The following IRAK1 variants were observed in gnomAD, a reference collection of about 807,000 sequenced individuals.
IRAK1 encodes the protein interleukin-1 receptor-associated kinase 1.
IRAK1 carries 9 observed loss-of-function variants against 49.8 expected under a neutral mutation model. That is an observed-to-expected ratio of 0.18 (90% confidence interval 0.11 to 0.32). The LOEUF (loss-of-function observed/expected upper bound fraction) is 0.32. IRAK1 is among the 10% of genes least tolerant of loss of function. IRAK1 has a pLI of 1.00. For missense variants in IRAK1, 418 were observed against 600.5 expected (o/e 0.70, Z 3.18); for synonymous variants, 282 against 270.8 (o/e 1.04, Z -0.41).
intron 13 of IRAK1, among the ~76,000 whole-genome samples, chrX:154,012,122 T>C (rs1557127668): frequency 8.9e-6 from 1 of 112,787 alleles, no homozygotes; most frequent in Non-Finnish European, 1.9e-5. Flanking sequence ...CACAGCTCAC[T>C]GTAGCCTCCA....
In IRAK1 at chrX:154,014,139, C is replaced by T; in HGVS notation, c.1442G>A (p.Arg481Lys). The T allele has an allele frequency of 8.3e-7, 1 of 1,208,949 alleles. No individual in the cohort carries two copies. Among genetic ancestry groups the T allele is most frequent in the Non-Finnish European group, 1.1e-6 (1 of 894,337 alleles). The change falls in exon 11 of 14, where the codon AGG becomes AAG. Residue 481 changes from arginine (R) to lysine (K), a missense_variant. Physicochemically the swap from Arg to Lys is conservative, Grantham distance 26. Transcript: ENST00000369980. ...CAGCTCAGGTGGGCAGGGCCCGGGC[C>T]TGGGGTCCAGGTGCTTCTTGTAGAT... ...MQIYKKHLDP[R>K]PGPCPPELGL...
Position 154,018,978 on chromosome X carries a change from G to A in IRAK1, c.537C>T (p.Thr179=). Residue 179 remains threonine (T), a synonymous_variant, in exon 4 of 14, where the codon ACC becomes ACT. Transcript: ENST00000369980. ...CTGGGGGGCAGGGGACACCTACCTTGGTAGAAGAAGGGGCTGGAGATGGCG... is the reference window on the plus strand; with the variant it reads ...CTGGGGGGCAGGGGACACCTACCTTAGTAGAAGAAGGGGCTGGAGATGGCG... The part of the protein sequence containing the change: ...PPPPSPAPSS[T]KPGPESSVSL... 8.4e-7 allele frequency: 1 copy of A among 1,188,398 alleles called. No individual in the cohort carries two copies. Among genetic ancestry groups the A allele is most frequent in the Non-Finnish European group, 1.1e-6 (1 of 880,894 alleles).
intron 3 of IRAK1, 31 bp from the exon 4 acceptor site, chrX:154,019,109 G>A (rs782085819): frequency 1.7e-6 from 2 of 1,201,425 alleles, no homozygotes; most frequent in Non-Finnish European, 2.3e-6. Context: ...GAGGCAGGCA[G>A]AGACCAGCAG....
chrX:154,016,202 C>T, intron 9 of IRAK1, 105 bp from the exon 10 acceptor site: 1 of 730,769 alleles, frequency 1.4e-6, no homozygotes, highest in Non-Finnish European at 2.1e-6. Flanking sequence ...AAGGCAGAGC[C>T]AGATGTTATG....
chrX:154,014,293 C>G lies in IRAK1; in HGVS notation c.1303-15G>C. ...ACCAGGTCTTTCTGTGGGATAAATA[C>G]TGTCAGTATGGCTACCAGGTGGCCA... On this transcript the variant is annotated splice_polypyrimidine_tract_variant and intron_variant, in intron 10 of 13. Transcript: ENST00000369980. 8.3e-7 allele frequency: 1 copy of G among 1,205,475 alleles called. No homozygotes were observed. The highest frequency in any genetic ancestry group is 1.1e-6 in the Non-Finnish European group (1 of 893,304).
rs1289140411 is a variant in IRAK1 at position 154,018,405 on chromosome X, G to A, written c.730-50C>T. 3.7e-6 allele frequency: 4 copies of A among 1,072,097 alleles called. No individual in the cohort carries two copies. In the Admixed American group the frequency reaches 7.2e-5, roughly 19 times the overall value. 88.4% of individuals were successfully genotyped at this position (1,072,097 alleles called of 1,213,427 possible). On this transcript the variant is annotated intron_variant, in intron 5 of 13. Transcript: ENST00000369980. ...GGAAGGGGCAGGGAAGACGGGCAGC[G>A]TGAGGCTCTCGAAGCGAAGGCCTTC...
In IRAK1 at chrX:154,018,747, C is replaced by T. The variant is rs11465830; in HGVS notation, c.581G>A (p.Arg194His). 3.4e-3 allele frequency: 3,233 copies of T among 963,305 alleles called. 44 individuals are homozygous for T. The African/African-American group carries it at 0.047, about 14-fold the overall frequency. The allele number at this position is 963,305 out of a possible 1,213,427, so 79.4% of individuals were successfully genotyped here. A position where few individuals can be genotyped will look rare whatever the true frequency, so the allele number is the denominator to read the frequency against. Reference protein sequence around the residue: ...ESSVSLLQGARPFPFCWPLCE... With the variant: ...ESSVSLLQGAHPFPFCWPLCE... ...GAGGGGCCAGCAAAACGGAAAGGGG[C>T]GGGCTCCCTGCAGGAGGGACACTGA... Residue 194 changes from arginine (R) to histidine (H), a missense_variant, in exon 5 of 14, where the codon CGC (arginine) becomes CAC (histidine). Arg to His is a conservative substitution (Grantham distance 29). Transcript: ENST00000369980.
intron 12 of IRAK1, 113 bp from the exon 13 acceptor site, chrX:154,012,791 G>A (rs1655967606): frequency 1.1e-6 from 1 of 891,864 alleles, no homozygotes; most frequent in African/African-American, 2.0e-5. Flanking sequence ...CCAAGGGCAG[G>A]GCCCAGCTCT....
Position 154,019,034 on chromosome X carries a change from C to T in IRAK1, c.481G>A (p.Val161Ile). Reference protein sequence around the residue: ...QTHSGPELGLVPSPASLWPPP... With the variant: ...QTHSGPELGLIPSPASLWPPP... ...GGCCACAGGGAAGCAGGGCTTGGGA[C>T]CAGGCCGAGCTCAGGCCCTGAATGG... The change falls in exon 4 of 14, where the codon GTC becomes ATC. Residue 161 changes from valine to isoleucine, a missense_variant. Physicochemically the swap from Val to Ile is conservative, Grantham distance 29. Coordinates refer to ENST00000369980, the MANE Select transcript of IRAK1 (RefSeq NM_001569.4). 1 of 1,209,932 alleles carries T rather than the reference C, an allele frequency of 8.3e-7. No homozygotes were observed. Among genetic ancestry groups the T allele is most frequent in the Non-Finnish European group, 1.1e-6 (1 of 894,528 alleles).
Position 154,019,338 on chromosome X carries a change from C to G in IRAK1, c.305-10G>C. On this transcript the variant is annotated splice_polypyrimidine_tract_variant and intron_variant, in intron 2 of 13. Coordinates refer to ENST00000369980, the MANE Select transcript of IRAK1 (RefSeq NM_001569.4). ...GGGGCGGGAGGGTGCCCTGGGACGC[C>G]AAGGAAGGAAAGGAAGGTTGAGGCC... 8.7e-7 allele frequency: 1 copy of G among 1,155,083 alleles called. No homozygotes were observed. The highest frequency in any genetic ancestry group is 2.5e-4 in the Middle Eastern group (1 of 4,056).
intron 7 of IRAK1, among the ~76,000 whole-genome samples, chrX:154,017,638 A>C (rs1308335425): frequency 2.7e-5 from 3 of 109,695 alleles, no homozygotes; most frequent in African/African-American, 1.0e-4. Flanking sequence ...TCTACTAAAA[A>C]TACAAAAATT....
In IRAK1 at chrX:154,018,452, C is replaced by T. The variant is rs2065755613; in HGVS notation, c.730-97G>A. ...CTTCGGGCCACCAGTGCCACCTACCCGAGGCCCAGAACCACCAAGGGGCCA... is the reference window on the plus strand; with the variant it reads ...CTTCGGGCCACCAGTGCCACCTACCTGAGGCCCAGAACCACCAAGGGGCCA... On this transcript the variant is annotated intron_variant, in intron 5 of 13. Coordinates refer to ENST00000369980, the MANE Select transcript of IRAK1 (RefSeq NM_001569.4). 1.2e-5 allele frequency: 11 copies of T among 924,059 alleles called. No homozygotes were observed. In the South Asian group the frequency reaches 2.2e-4, roughly 19 times the overall value. 76.2% of individuals were successfully genotyped at this position (924,059 alleles called of 1,213,427 possible).
Position 154,013,240 on chromosome X carries a change from A to G in IRAK1, c.1733T>C (p.Leu578Pro), listed in dbSNP as rs782758401. 1 of 1,210,316 alleles carries G rather than the reference A, an allele frequency of 8.3e-7. No homozygotes were observed. Among genetic ancestry groups the G allele is most frequent in the Non-Finnish European group, 1.1e-6 (1 of 895,350 alleles). ...SGASAQAAEQ[L>P]QRGPNQPVES... ...CACGGGCTGGTTGGGGCCTCTCTGC[A>G]GCTGCTCTGCTGCCTGGGCACTGGC... Residue 578 changes from leucine to proline, a missense_variant, in exon 12 of 14, where the codon CTG becomes CCG. Physicochemically the swap from Leu to Pro is moderately conservative, Grantham distance 98. Transcript: ENST00000369980.
In IRAK1 at chrX:154,011,936, AG is replaced by A. The variant is rs782562527; in HGVS notation, c.2081-20del. On this transcript the variant is annotated intron_variant, in intron 13 of 13. Transcript: ENST00000369980. ...CCCAAGCCTACAGAAGGAAGAGGAA[AG>A]TCCGCTTAGCAAATGGGGGAGGCTC... is the stretch of plus-strand genomic sequence containing the variant. The A allele has an allele frequency of 3.3e-6, 4 of 1,196,103 alleles. No individual in the cohort carries two copies. Among genetic ancestry groups the A allele is most frequent in the Non-Finnish European group, 4.5e-6 (4 of 884,268 alleles).
chrX:154,014,301 A>G, intron 10 of IRAK1, 23 bp from the exon 11 acceptor site: 2 of 1,198,185 alleles, frequency 1.7e-6, no homozygotes, highest in Non-Finnish European at 2.2e-6. Flanking sequence ...TACTGTCAGT[A>G]TGGCTACCAG....
chrX:154,017,699 G>C (rs1460735062), intron 7 of IRAK1, among the ~76,000 whole-genome samples: 5 of 107,345 alleles, frequency 4.7e-5, no homozygotes, highest in Non-Finnish European at 9.6e-5. Context: ...GGGAGGCTGC[G>C]GCAGGAGGAT....
In IRAK1 at chrX:154,016,001, G is replaced by C. The variant is rs1056501495; in HGVS notation, c.1302+31C>G. 6 of 1,163,604 alleles carry C rather than the reference G, an allele frequency of 5.2e-6. No individual in the cohort carries two copies. In the African/African-American group the frequency reaches 8.9e-5, roughly 17 times the overall value. ...GCCTGCTGGCTGCCAGCAGCTGTGT[G>C]TCCCTCCTGGCCCTGCCTCAAGGGG... On this transcript the variant is annotated intron_variant, in intron 10 of 13. Coordinates refer to ENST00000369980, the MANE Select transcript of IRAK1 (RefSeq NM_001569.4).
rs782678843 is a variant in IRAK1 at position 154,018,816 on chromosome X, GGTCC to G, written c.541-33_541-30del. On this transcript the variant is annotated intron_variant, in intron 4 of 13. Transcript: ENST00000369980. ...TGGGAAGAGAGCCTGGATCAGGTGGGGTCCCTGTCTCTTCCCTTCTGCCCAAGGC... is the reference window on the plus strand; with the variant it reads ...TGGGAAGAGAGCCTGGATCAGGTGGGCTGTCTCTTCCCTTCTGCCCAAGGC... 8.0e-6 allele frequency: 6 copies of G among 751,584 alleles called. No individual in the cohort carries two copies. In the Admixed American group the frequency reaches 1.6e-4, roughly 19 times the overall value. 61.9% of individuals were successfully genotyped at this position (751,584 alleles called of 1,213,427 possible).
chrX:154,016,195 G>A, intron 9 of IRAK1, 98 bp from the exon 10 acceptor site: 1 of 764,677 alleles, frequency 1.3e-6, no homozygotes, highest in Non-Finnish European at 2.0e-6. Flanking sequence ...GTGGACAAAG[G>A]CAGAGCCAGA....
Sources: gnomAD v4.1 joint callset for allele counts (sites outside exome capture counted in the v4.1 genomes callset) on GRCh38, gnomAD v4.1.1 for gene constraint, MANE v1.5 for transcripts, NCBI Gene and HGNC (gene_info 2026-07-23, HGNC 2026-07-21) for gene names.